The following CDC123 variants were observed in gnomAD, a reference collection of about 807,000 sequenced individuals.
CDC123 encodes the protein cell division cycle 123, also known as translation initiation factor eIF2 assembly protein.
CDC123 carries 37 observed loss-of-function variants against 54.4 expected under a neutral mutation model. That is an observed-to-expected ratio of 0.68 (90% CI 0.52 to 0.89). The LOEUF is 0.89. Ranked by LOEUF, CDC123 falls within the 40% of genes least tolerant of loss-of-function variation. CDC123 has a pLI of 0.00. For missense variants in CDC123, 361 were observed against 412.1 expected, an observed-to-expected ratio of 0.88 and a Z score of 1.07; for synonymous variants, 144 against 136.8, an observed-to-expected ratio of 1.05 and a Z score of -0.37.
chr10:12,210,428 T>C, intron 4 of CDC123, 106 bp downstream of exon 4: 2 of 1,338,714 alleles, frequency 1.5e-6, no homozygotes, highest in Non-Finnish European at 2.1e-6. Context: ...TCAGTCACCA[T>C]CTCATATATT....
chr10:12,209,561 TTTTA>T (rs1256070551), intron 2 of CDC123, among the ~76,000 whole-genome samples: 1 of 151,934 alleles, frequency 6.6e-6, no homozygotes, highest in Non-Finnish European at 1.5e-5. Flanking sequence ...AGGCTTTTAT[TTTTA>T]TTTATTTATT....
intron 10 of CDC123, among the ~76,000 whole-genome samples, chr10:12,239,933 G>A (rs1343557633): frequency 2.0e-5 from 3 of 150,656 alleles, no homozygotes; most frequent in South Asian, 2.1e-4. Context: ...GCGTGAACCC[G>A]GGAGGCGGAG....
chr10:12,205,757 C>A (rs1464768486), intron 2 of CDC123, among the ~76,000 whole-genome samples: 2 of 151,918 alleles, frequency 1.3e-5, no homozygotes, highest in Admixed American at 6.6e-5. Flanking sequence ...TAGTTCTCTG[C>A]ATGCAGAGGG....
chr10:12,198,852 C>T (rs901219436), intron 2 of CDC123, 76 bp downstream of exon 2: 2 of 785,958 alleles, frequency 2.5e-6, no homozygotes, highest in African/African-American at 1.7e-5. Flanking sequence ...AGCTTAGGCA[C>T]CATTCTTTCC....
rs142727834 is a variant in CDC123 at position 12,239,483 on chromosome 10, C to T, written c.717+998C>T. 9.9e-3 allele frequency among the ~76,000 whole-genome samples: 1,499 copies of T among 152,148 alleles called. 39 individuals carry two copies. Among genetic ancestry groups the T allele is most frequent in the East Asian group, 0.089 (457 of 5,162 alleles). On this transcript the variant is annotated intron_variant, in intron 10 of 12. Transcript: ENST00000281141. ...ATCCCAGCACTTTGGGAGGCTGAGGCGGGCAGATCACCTGAGGTCGGGAGT... is the reference window on the plus strand; with the variant it reads ...ATCCCAGCACTTTGGGAGGCTGAGGTGGGCAGATCACCTGAGGTCGGGAGT...
At chr10:12,236,663 G>T (rs1835980718) in intron 8 of CDC123, among the ~76,000 whole-genome samples, 1 of 151,862 alleles carries the variant, frequency 6.6e-6, no homozygotes, top group South Asian at 2.1e-4. Flanking sequence ...GGGAGGCTGA[G>T]GTGGGTGGAT....
Position 12,215,796 on chromosome 10 carries a change from G to A in CDC123, c.294G>A (p.Gly98=). The A allele has an allele frequency of 6.2e-7, 1 of 1,612,296 alleles. No individual in the cohort carries two copies. Among genetic ancestry groups the A allele is most frequent in the Non-Finnish European group, 8.5e-7 (1 of 1,179,392 alleles). ...TKVQEAINSL[G]GSVFPKLNWS... ...TCCAGGAAGCTATCAATTCCCTCGG[G>A]GGCAGTGTCTTTCCTAAGCTTAATT... Residue 98 remains glycine, a synonymous_variant, in exon 5 of 13, where the codon GGG becomes GGA. Transcript: ENST00000281141.
chr10:12,226,217 C>A (rs569088797), intron 6 of CDC123, among the ~76,000 whole-genome samples: 6 of 152,216 alleles, frequency 3.9e-5, no homozygotes, highest in Admixed American at 6.5e-5. Context: ...CACTTCCCCC[C>A]CTTCCACTCA....
At chr10:12,199,465 G>A (rs1205233941) in intron 2 of CDC123, among the ~76,000 whole-genome samples, 1 of 152,080 alleles carries the variant, frequency 6.6e-6, no homozygotes, top group African/African-American at 2.4e-5. Flanking sequence ...ATTGTTAATT[G>A]TTCCATTAGA....
At chr10:12,248,518 A>G (rs188461520) in intron 11 of CDC123, among the ~76,000 whole-genome samples, 1 of 144,688 alleles carries the variant, frequency 6.9e-6, no homozygotes, top group Non-Finnish European at 1.5e-5. Flanking sequence ...TCTCAAAAAA[A>G]AAACAGGCCA....
At chr10:12,227,893 G>A (rs971263606) in intron 6 of CDC123, among the ~76,000 whole-genome samples, 2 of 152,164 alleles carry the variant, frequency 1.3e-5, no homozygotes, top group African/African-American at 4.8e-5. Context: ...CGAAAGGGCA[G>A]TTTTTTAAAG....
At chr10:12,200,134 T>TTTTTTTTTTTTTTTTTG in intron 2 of CDC123, among the ~76,000 whole-genome samples, 1 of 119,580 alleles carries the variant, frequency 8.4e-6, no homozygotes, top group Non-Finnish European at 1.7e-5. Context: ...TTTTTTTTTT[T>TTTTTTTTTTTTTTTTTG]TTTTTTTTTA....
chr10:12,216,690 T>C (rs1334324428), intron 5 of CDC123, among the ~76,000 whole-genome samples: 2 of 152,218 alleles, frequency 1.3e-5, no homozygotes, highest in African/African-American at 4.8e-5. Context: ...CTGTTAGTTT[T>C]CTCAAAATTC....
In CDC123 at chr10:12,217,082, T is replaced by G. The variant is rs568151813; in HGVS notation, c.334-279T>G. Among the ~76,000 whole-genome samples the G allele has an allele frequency of 5.3e-5, 8 of 152,324 alleles. No homozygotes were observed. The South Asian group carries it at 6.2e-4, about 12-fold the overall frequency. ...ATGTTTCTGATACCTCATTTTCTTCTCTTCTATTATCAGTAAGAAAAACAC... is the reference window on the plus strand; with the variant it reads ...ATGTTTCTGATACCTCATTTTCTTCGCTTCTATTATCAGTAAGAAAAACAC... On this transcript the variant is annotated intron_variant, in intron 5 of 12. Coordinates refer to ENST00000281141, the MANE Select transcript of CDC123 (RefSeq NM_006023.3).
At chr10:12,205,641 CTCTG>C (rs1835508678) in intron 2 of CDC123, among the ~76,000 whole-genome samples, 1 of 152,220 alleles carries the variant, frequency 6.6e-6, no homozygotes, top group South Asian at 2.1e-4. Context: ...GATATTTAAA[CTCTG>C]TCTGCCTGCC....
At chr10:12,214,315 G>A (rs1835637562) in intron 4 of CDC123, among the ~76,000 whole-genome samples, 1 of 152,198 alleles carries the variant, frequency 6.6e-6, no homozygotes, top group Non-Finnish European at 1.5e-5. Flanking sequence ...TGGGGTTTAT[G>A]GCTAGAGCGG....
chr10:12,199,308 G>T (rs1835408406), intron 2 of CDC123, among the ~76,000 whole-genome samples: 1 of 152,182 alleles, frequency 6.6e-6, no homozygotes, highest in African/African-American at 2.4e-5. Context: ...ATAGGATTTA[G>T]TGAAGTTCTC....
intron 10 of CDC123, among the ~76,000 whole-genome samples, chr10:12,239,615 A>G (rs566334507): frequency 6.6e-6 from 1 of 151,992 alleles, no homozygotes; most frequent in East Asian, 1.9e-4. Flanking sequence ...GCTGAGGCAC[A>G]GGAGAATCAC....
intron 6 of CDC123, among the ~76,000 whole-genome samples, chr10:12,219,408 GC>G (rs1419136780): frequency 2.0e-5 from 3 of 152,106 alleles, no homozygotes; most frequent in Non-Finnish European, 4.4e-5. Context: ...TCACTATGTT[GC>G]CCAAGCTGGT....
Sources: gnomAD v4.1 joint callset for allele counts (sites outside exome capture counted in the v4.1 genomes callset) on GRCh38, gnomAD v4.1.1 for gene constraint, MANE v1.5 for transcripts, NCBI Gene and HGNC (gene_info 2026-07-23, HGNC 2026-07-21) for gene names.